The following FAM91A1 variants were observed in gnomAD, a reference collection of about 807,000 sequenced individuals.
FAM91A1 encodes the protein family with sequence similarity 91 member A1, also known as protein FAM91A1.
FAM91A1 carries 41 observed loss-of-function variants against 113.5 expected under a neutral mutation model. That is an observed-to-expected ratio of 0.36 (90% CI 0.28 to 0.47). The LOEUF is 0.47. FAM91A1 is among the 20% of genes least tolerant of loss of function. FAM91A1 has a pLI of 1.00. For missense variants in FAM91A1, 696 were observed against 1,001.2 expected (o/e 0.70, Z 4.11); for synonymous variants, 307 against 347.9 (o/e 0.88, Z 1.31).
intron 15 of FAM91A1, among the ~76,000 whole-genome samples, chr8:123,794,719 A>G (rs1299840464): frequency 1.3e-5 from 2 of 152,248 alleles, no homozygotes; most frequent in South Asian, 2.1e-4. Context: ...GTGCAGTACC[A>G]TAAACCTCAA....
At chr8:123,777,374 C>A in intron 4 of FAM91A1, 52 bp downstream of exon 4, 1 of 1,470,224 alleles carries the variant, frequency 6.8e-7, no homozygotes, top group Non-Finnish European at 9.4e-7. Flanking sequence ...TGTCTTTGTG[C>A]ATCCTGTCAT....
chr8:123,775,418 T>C (rs1563635815), intron 3 of FAM91A1, 120 bp downstream of exon 3: 8 of 1,242,868 alleles, frequency 6.4e-6, no homozygotes, highest in South Asian at 1.5e-5. Flanking sequence ...TCAGAACTTA[T>C]AGTGTAAAAA....
At chr8:123,773,637 C>T (rs1336579072) in intron 1 of FAM91A1, among the ~76,000 whole-genome samples, 3 of 152,090 alleles carry the variant, frequency 2.0e-5, no homozygotes, top group Admixed American at 2.0e-4. Flanking sequence ...ATAATTATAA[C>T]CCTCAGCTAC....
chr8:123,812,229 G>C (rs769525407), intron 23 of FAM91A1: 4 of 240,126 alleles, frequency 1.7e-5, no homozygotes, highest in Non-Finnish European at 3.2e-5. Context: ...TAATACTTTG[G>C]GGTTAGGTTA....
intron 15 of FAM91A1, among the ~76,000 whole-genome samples, chr8:123,797,417 C>CCTGCCTCCCCTTCCACCTCTT (rs1815554352): frequency 1.3e-5 from 2 of 152,148 alleles, no homozygotes. Context: ...GCCTGCCTCT[C>CCTGCCTCCCCTTCCACCTCTT]CTGCCTCCCC....
At chr8:123,784,378 A>G (rs1404891787) in intron 8 of FAM91A1, 92 bp from the exon 9 acceptor site, 1 of 883,106 alleles carries the variant, frequency 1.1e-6, no homozygotes, top group Non-Finnish European at 1.7e-6. Flanking sequence ...TCCCTAAGTT[A>G]GAGGTTTCTT....
At chr8:123,784,832 G>A in intron 9 of FAM91A1, 1 of 411,480 alleles carries the variant, frequency 2.4e-6, no homozygotes, top group East Asian at 4.1e-5. Context: ...ATCTATCCAG[G>A]AATTTTATTT....
chr8:123,809,859 A>G (rs1815908489), intron 22 of FAM91A1, among the ~76,000 whole-genome samples: 1 of 152,186 alleles, frequency 6.6e-6, no homozygotes, highest in Admixed American at 6.5e-5. Flanking sequence ...TACATATTTG[A>G]AAAATATTTA....
At chr8:123,788,053 TA>T in intron 14 of FAM91A1, 1 of 421,172 alleles carries the variant, frequency 2.4e-6, no homozygotes, top group Non-Finnish European at 3.2e-6. Context: ...GAATTTTTGC[TA>T]AAATAGCCTT....
rs572794913 is a variant in FAM91A1, at chr8:123,769,830, C to T, written c.72+1056C>T. 2.0e-3 allele frequency among the ~76,000 whole-genome samples: 304 copies of T among 152,344 alleles called. 1 individual carries two copies. Among genetic ancestry groups the T allele is most frequent in the African/African-American group, 6.8e-3 (284 of 41,576 alleles). Reference sequence around the variant, plus strand: ...GCTGCTCTGGTCATAGATTGACCTTCGCTTCCTCCCATTATACTTGGTCGA... The same window carrying T: ...GCTGCTCTGGTCATAGATTGACCTTTGCTTCCTCCCATTATACTTGGTCGA... On this transcript the variant is annotated intron_variant, in intron 1 of 23. Coordinates refer to ENST00000334705, the MANE Select transcript of FAM91A1 (RefSeq NM_144963.4).
At chr8:123,792,588 A>C (rs1380631858) in intron 15 of FAM91A1, among the ~76,000 whole-genome samples, 1 of 152,202 alleles carries the variant, frequency 6.6e-6, no homozygotes, top group Admixed American at 6.5e-5. Context: ...TAGGAATTAA[A>C]CCACATTTGT....
rs1816017602 is a variant in FAM91A1, at chr8:123,814,073, T to C, written c.*1369T>C. 8.7e-6 allele frequency: 3 copies of C among 343,584 alleles called. No individual in the cohort carries two copies. Among genetic ancestry groups the C allele is most frequent in the Admixed American group, 5.4e-5 (1 of 18,528 alleles). 21.3% of individuals were successfully genotyped at this position (343,584 alleles called of 1,614,324 possible). A position where few individuals can be genotyped will look rare whatever the true frequency, so the allele number is the denominator to read the frequency against. On this transcript the variant is annotated 3_prime_UTR_variant, in exon 24 of 24. Coordinates refer to ENST00000334705, the MANE Select transcript of FAM91A1 (RefSeq NM_144963.4). ...TCAATACCATGGCCTATCTATAGAATTGAATATTTTGGACCATGTTATCTG... is the reference window on the plus strand; with the variant it reads ...TCAATACCATGGCCTATCTATAGAACTGAATATTTTGGACCATGTTATCTG...
At chr8:123,769,623 A>G (rs1046253833) in intron 1 of FAM91A1, among the ~76,000 whole-genome samples, 7 of 152,192 alleles carry the variant, frequency 4.6e-5, no homozygotes, top group South Asian at 4.1e-4. Context: ...TTGACCACCT[A>G]CTAGGTGCTG....
chr8:123,769,799 C>A (rs570585728), intron 1 of FAM91A1, among the ~76,000 whole-genome samples: 1 of 152,166 alleles, frequency 6.6e-6, no homozygotes, highest in South Asian at 2.1e-4. Context: ...CTACAGATAA[C>A]GCACTGCTGC....
Position 123,799,623 on chromosome 8 carries a change from C to T in FAM91A1, c.1664C>T (p.Thr555Ile), listed in dbSNP as rs199756568. The change falls in exon 17 of 24, where the codon ACA (threonine) becomes ATA (isoleucine). Residue 555 changes from threonine (T) to isoleucine (I), a missense_variant. Transcript: ENST00000334705. Reference protein sequence around the residue: ...GPPSLLLSKGTRLRKLPDIFQ... With the variant: ...GPPSLLLSKGIRLRKLPDIFQ... ...CCATCCCTTTTATTGTCCAAAGGTA[C>T]AAGACTTCGAAAACTGCCAGATATA... The T allele has an allele frequency of 1.0e-3, 1,638 of 1,614,030 alleles. 4 individuals carry two copies. Among genetic ancestry groups the T allele is most frequent in the South Asian group, 2.4e-3 (223 of 91,062 alleles).
At chr8:123,769,745 A>G (rs1814793034) in intron 1 of FAM91A1, among the ~76,000 whole-genome samples, 1 of 152,202 alleles carries the variant, frequency 6.6e-6, no homozygotes, top group South Asian at 2.1e-4. Flanking sequence ...ATAAATACGT[A>G]ACATAGCAGA....
At chr8:123,780,238 T>G (rs1308573662) in intron 7 of FAM91A1, among the ~76,000 whole-genome samples, 163 bp downstream of exon 7, 1 of 152,196 alleles carries the variant, frequency 6.6e-6, no homozygotes, top group African/African-American at 2.4e-5. Flanking sequence ...AGTGTGGCTA[T>G]AATTAGTCAC....
Position 123,814,849 on chromosome 8 carries a change from A to C in FAM91A1, c.*2145A>C, listed in dbSNP as rs1169358508. On this transcript the variant is annotated 3_prime_UTR_variant, in exon 24 of 24. Transcript: ENST00000334705. ...CTTACAAGCATTGATCCATTTCAAC[A>C]AAAAGGTAAATTTAAAATGCAGACT... is the stretch of plus-strand genomic sequence containing the variant. The C allele has an allele frequency of 1.3e-5, 2 of 152,672 alleles. No homozygotes were observed. Among genetic ancestry groups the C allele is most frequent in the Non-Finnish European group, 2.9e-5 (2 of 68,036 alleles). The allele number at this position is 152,672 out of a possible 1,614,324, so 9.5% of individuals were successfully genotyped here.
chr8:123,780,468 T>TTGTTTC lies in FAM91A1; in HGVS notation c.641-10_641-5dup. 6.2e-7 allele frequency: 1 copy of TTGTTTC among 1,602,700 alleles called. No homozygotes were observed. The highest frequency in any genetic ancestry group is 8.5e-7 in the Non-Finnish European group (1 of 1,172,958). On this transcript the variant is annotated splice_polypyrimidine_tract_variant and intron_variant, in intron 7 of 23. Transcript: ENST00000334705. ...GTGTTCCATCTAAAACAAGGTACTT[T>TTGTTTC]TGTTTCTTCAGGTTTGTATAACAAA...
Sources: gnomAD v4.1 joint callset for allele counts (sites outside exome capture counted in the v4.1 genomes callset) on GRCh38, gnomAD v4.1.1 for gene constraint, MANE v1.5 for transcripts, NCBI Gene and HGNC (gene_info 2026-07-23, HGNC 2026-07-21) for gene names.